The following DTWD2 variants were observed in gnomAD, a reference collection of about 807,000 sequenced individuals.
DTWD2 encodes the protein tRNA-uridine aminocarboxypropyltransferase 2.
Under a neutral mutation model 31.8 loss-of-function variants are expected in DTWD2, and 39 were observed. The ratio of observed to expected loss-of-function variants is 1.22; its 90% confidence interval spans 0.95 to 1.60. The LOEUF (loss-of-function observed/expected upper bound fraction) is 1.60, where lower values mean the gene tolerates loss of function less well. Ranked by LOEUF, DTWD2 falls within the 40% of genes most tolerant of loss-of-function variation. The pLI, the probability that DTWD2 is intolerant of heterozygous loss-of-function variation, is 0.00. For synonymous variants in DTWD2, 180 were observed against 142.8 expected, an observed-to-expected ratio of 1.26 and a Z score of -1.86; for missense variants, 515 against 381.5, an observed-to-expected ratio of 1.35 and a Z score of -2.92.
At chr5:118,909,537 A>G (rs1753413112) in intron 4 of DTWD2, among the ~76,000 whole-genome samples, 1 of 152,192 alleles carries the variant, frequency 6.6e-6, no homozygotes, top group South Asian at 2.1e-4. Flanking sequence ...CAGCCCTGGG[A>G]ACCAGGGCAG....
intron 1 of DTWD2, among the ~76,000 whole-genome samples, chr5:118,981,742 T>G (rs1223426573): frequency 2.0e-5 from 3 of 152,048 alleles, no homozygotes; most frequent in Non-Finnish European, 1.5e-5. Flanking sequence ...GAGAATCTCA[T>G]CACAGACAGA....
At chr5:118,934,393 T>G (rs1188964142) in intron 3 of DTWD2, among the ~76,000 whole-genome samples, 1 of 151,232 alleles carries the variant, frequency 6.6e-6, no homozygotes, top group Non-Finnish European at 1.5e-5. Context: ...CAGTTTCCCT[T>G]ATTATCTAAA....
chr5:118,961,965 G>C (rs1302896153), intron 1 of DTWD2, among the ~76,000 whole-genome samples: 1 of 152,186 alleles, frequency 6.6e-6, no homozygotes, highest in African/African-American at 2.4e-5. Context: ...TTTGCTGCCA[G>C]GCGCAGTGGC....
intron 1 of DTWD2, among the ~76,000 whole-genome samples, chr5:118,951,750 G>C (rs1754470546): frequency 1.3e-5 from 2 of 152,166 alleles, no homozygotes; most frequent in South Asian, 4.1e-4. Context: ...CCAGAGAAAA[G>C]AGAGGGTAGA....
chr5:118,977,094 T>C (rs1350882097), intron 1 of DTWD2, among the ~76,000 whole-genome samples: 1 of 152,196 alleles, frequency 6.6e-6, no homozygotes, highest in Non-Finnish European at 1.5e-5. Context: ...AACCACATGA[T>C]TATCTCAAAA....
At chr5:118,939,018 T>C (rs928486425) in intron 3 of DTWD2, among the ~76,000 whole-genome samples, 178 bp downstream of exon 3, 1 of 152,132 alleles carries the variant, frequency 6.6e-6, no homozygotes, top group African/African-American at 2.4e-5. Flanking sequence ...TCTGATTTTG[T>C]TTTGTTTTGT....
chr5:118,871,672 A>G (rs1050620849), intron 4 of DTWD2, among the ~76,000 whole-genome samples: 1 of 152,214 alleles, frequency 6.6e-6, no homozygotes, highest in East Asian at 1.9e-4. Context: ...TCCATGCTGT[A>G]AACAGATGAG....
intron 1 of DTWD2, among the ~76,000 whole-genome samples, chr5:118,960,249 C>G (rs940593968): frequency 6.6e-6 from 1 of 151,788 alleles, no homozygotes; most frequent in Non-Finnish European, 1.5e-5. Flanking sequence ...GCAAAAAAAA[C>G]CCATTAAAAT....
intron 4 of DTWD2, among the ~76,000 whole-genome samples, chr5:118,851,850 A>G (rs1312084975): frequency 6.6e-6 from 1 of 151,916 alleles, no homozygotes; most frequent in Non-Finnish European, 1.5e-5. Context: ...AAAAAAAAAA[A>G]AAAGAAAAAA....
chr5:118,941,345 G>A (rs947975677), intron 2 of DTWD2, among the ~76,000 whole-genome samples: 2 of 152,090 alleles, frequency 1.3e-5, no homozygotes, highest in African/African-American at 4.8e-5. Flanking sequence ...CCCTACAACA[G>A]GCCCCGGTGT....
chr5:118,884,230 C>T (rs1281125058), intron 4 of DTWD2, among the ~76,000 whole-genome samples: 1 of 152,100 alleles, frequency 6.6e-6, no homozygotes, highest in Non-Finnish European at 1.5e-5. Context: ...ACATGTAGTT[C>T]CTTTTGTATG....
chr5:118,852,357 A>C (rs911276930), intron 4 of DTWD2, among the ~76,000 whole-genome samples: 1 of 151,884 alleles, frequency 6.6e-6, no homozygotes, highest in Non-Finnish European at 1.5e-5. Flanking sequence ...TAAGAGGATT[A>C]AGAGATTAAA....
intron 4 of DTWD2, among the ~76,000 whole-genome samples, chr5:118,882,590 T>C (rs920501304): frequency 1.3e-5 from 2 of 152,232 alleles, no homozygotes; most frequent in Non-Finnish European, 2.9e-5. Flanking sequence ...GTCGTTTCCA[T>C]ACATCCTTTG....
chr5:118,920,997 C>A (rs1358182197), intron 4 of DTWD2, among the ~76,000 whole-genome samples: 2 of 152,136 alleles, frequency 1.3e-5, no homozygotes, highest in Non-Finnish European at 2.9e-5. Context: ...TCTCTAATAA[C>A]CCTTTTTAAA....
intron 4 of DTWD2, among the ~76,000 whole-genome samples, chr5:118,893,650 G>A (rs1415002590): frequency 6.6e-6 from 1 of 152,044 alleles, no homozygotes; most frequent in East Asian, 1.9e-4. Flanking sequence ...CTAGTCACAT[G>A]AGTCCTTAAA....
chr5:118,894,941 A>G (rs1286769882), intron 4 of DTWD2, among the ~76,000 whole-genome samples: 5 of 152,168 alleles, frequency 3.3e-5, no homozygotes. Context: ...TTCCAGTAAG[A>G]ACTGGAACAA....
intron 4 of DTWD2, among the ~76,000 whole-genome samples, chr5:118,858,944 A>G (rs1238022024): frequency 2.0e-5 from 3 of 152,142 alleles, no homozygotes; most frequent in Non-Finnish European, 2.9e-5. Context: ...GAAAATTTCA[A>G]AGGTGATGTG....
At chr5:118,933,043 A>G (rs1021549108) in intron 3 of DTWD2, among the ~76,000 whole-genome samples, 7 of 152,192 alleles carry the variant, frequency 4.6e-5, no homozygotes, top group African/African-American at 1.4e-4. Flanking sequence ...AAAAAACTCA[A>G]TGCCCACAAA....
At chr5:118,862,567 A>T (rs1258141098) in intron 4 of DTWD2, among the ~76,000 whole-genome samples, 1 of 152,208 alleles carries the variant, frequency 6.6e-6, no homozygotes, top group African/African-American at 2.4e-5. Context: ...CAAAACAGGG[A>T]AGCCACTTAA....
Sources: allele counts gnomAD v4.1 joint callset (sites outside exome capture counted in the v4.1 genomes callset), GRCh38; gene constraint gnomAD v4.1.1; transcripts MANE v1.5; gene names NCBI Gene and HGNC (gene_info 2026-07-23, HGNC 2026-07-21).